ANK2: variants seen among roughly 807,000 people sequenced by gnomAD.
ANK2 encodes ankyrin-2.
ANK2 carries 83 observed loss-of-function variants against 360.5 expected under a neutral mutation model. The observed-to-expected ratio is 0.23, with a 90% CI of 0.19 to 0.28. ANK2 has a LOEUF of 0.28. Among genes scored for constraint, ANK2 ranks in the 10% least tolerant of loss-of-function variants. The pLI is 1.00. For synonymous variants in ANK2, 1,740 were observed against 1,759.5 expected (o/e 0.99, Z 0.28); for missense variants, 4,201 against 4,795.7 (o/e 0.88, Z 3.66).
intron 2 of ANK2, among the ~76,000 whole-genome samples, chr4:112,923,919 C>T (rs777363046): frequency 3.3e-5 from 5 of 152,088 alleles, no homozygotes; most frequent in Non-Finnish European, 7.4e-5. Flanking sequence ...ACACTTTAGT[C>T]GCACCTCTGC....
intron 1 of ANK2, among the ~76,000 whole-genome samples, chr4:113,153,604 A>G (rs1423253906): frequency 6.6e-6 from 1 of 152,214 alleles, no homozygotes; most frequent in Non-Finnish European, 1.5e-5. Flanking sequence ...TCAGCTTTTT[A>G]TGCATTCTTA....
intron 14 of ANK2, among the ~76,000 whole-genome samples, chr4:113,268,871 C>G (rs2057329894): frequency 6.6e-6 from 1 of 152,114 alleles, no homozygotes; most frequent in African/African-American, 2.4e-5. Flanking sequence ...GTGAATCCGT[C>G]TGGTCCTGGG....
chr4:112,710,499 C>T, the ANK2 span, among the ~76,000 whole-genome samples: 15 of 152,076 alleles, frequency 9.9e-5, no homozygotes, highest in East Asian at 7.7e-4. Flanking sequence ...AGTTCAAGAC[C>T]GGCCTGGCCA....
At chr4:113,190,478 GTT>G (rs61608551) in intron 2 of ANK2, among the ~76,000 whole-genome samples, 11 of 146,218 alleles carry the variant, frequency 7.5e-5, no homozygotes, top group African/African-American at 2.2e-4. Flanking sequence ...TCATTTTAAT[GTT>G]TTTTTTTTTC....
In ANK2 at chr4:113,357,222, A is replaced by G. The variant is rs768776696; in HGVS notation, c.8604A>G (p.Thr2868=). The part of the protein sequence containing the change: ...GKELDEDISA[T]SSIQKTEVTK... ...AATTAGATGAAGACATATCTGCCAC[A>G]TCTTCTATTCAAAAAACAGAGGTCA... Residue 2868 remains threonine, a synonymous_variant, in exon 38 of 46, where the codon ACA becomes ACG. Transcript: ENST00000357077. 5.6e-6 allele frequency: 9 copies of G among 1,613,984 alleles called. No homozygotes were observed. Among genetic ancestry groups the G allele is most frequent in the Non-Finnish European group, 6.8e-6 (8 of 1,179,996 alleles).
At chr4:113,350,163 C>T (rs1014957165) in intron 36 of ANK2, 65 bp from the exon 37 acceptor site, 25 of 1,465,832 alleles carry the variant, frequency 1.7e-5, no homozygotes, top group African/African-American at 2.8e-5. Flanking sequence ...GCTTTTTGTG[C>T]ACACCAGGGG....
chr4:112,794,279 G>T, the ANK2 span, among the ~76,000 whole-genome samples: 1 of 152,164 alleles, frequency 6.6e-6, no homozygotes, highest in African/African-American at 2.4e-5. Flanking sequence ...TTGTTGATGT[G>T]TATTAAGATT....
chr4:112,876,135 C>A (rs1429568016), intron 1 of ANK2, among the ~76,000 whole-genome samples: 7 of 151,778 alleles, frequency 4.6e-5, no homozygotes, highest in Non-Finnish European at 1.0e-4. Flanking sequence ...TATAATCAAT[C>A]CGTTTTCAAT....
chr4:113,227,058 G>A (rs2099232432), intron 4 of ANK2, among the ~76,000 whole-genome samples: 2 of 152,208 alleles, frequency 1.3e-5, no homozygotes, highest in Non-Finnish European at 2.9e-5. Flanking sequence ...CTATTAATAT[G>A]TGATGATAAA....
intron 26 of ANK2, among the ~76,000 whole-genome samples, chr4:113,329,359 T>A (rs1046054954): frequency 2.0e-5 from 3 of 152,206 alleles, no homozygotes; most frequent in Non-Finnish European, 2.9e-5. Flanking sequence ...CAAGTCATCT[T>A]GGATTATAGT....
At chr4:112,750,584 T>C in the ANK2 span, among the ~76,000 whole-genome samples, 1 of 152,052 alleles carries the variant, frequency 6.6e-6, no homozygotes, top group Non-Finnish European at 1.5e-5. Context: ...TTGTATCTTG[T>C]GCAAGAAAGA....
chr4:113,351,551 T>C (rs1025369402), intron 37 of ANK2, among the ~76,000 whole-genome samples: 6 of 152,164 alleles, frequency 3.9e-5, no homozygotes, highest in African/African-American at 1.4e-4. Flanking sequence ...TTTGTTTATA[T>C]GACATATCAC....
intron 26 of ANK2, among the ~76,000 whole-genome samples, chr4:113,322,411 C>T (rs2086789734): frequency 6.6e-6 from 1 of 152,206 alleles, no homozygotes; most frequent in African/African-American, 2.4e-5. Context: ...ACAGTTATTT[C>T]TAGCATCCTA....
chr4:113,177,475 C>G (rs1187568774), intron 2 of ANK2, among the ~76,000 whole-genome samples: 1 of 152,080 alleles, frequency 6.6e-6, no homozygotes, highest in Non-Finnish European at 1.5e-5. Flanking sequence ...GACAATGAAA[C>G]CGTTAGTTCA....
chr4:112,867,578 T>C (rs917231028), intron 1 of ANK2, among the ~76,000 whole-genome samples: 2 of 152,060 alleles, frequency 1.3e-5, no homozygotes, highest in Non-Finnish European at 2.9e-5. Context: ...CCCTCATCCC[T>C]GGCAATCATT....
chr4:113,282,982 G>C lies in ANK2; in HGVS notation c.2079+110G>C, dbSNP rs2062980596. ...GAGCAATGTATTAAAAAGAAACAGGGATATCTTACAGACCCCAAGGACAGG... is the reference window on the plus strand; with the variant it reads ...GAGCAATGTATTAAAAAGAAACAGGCATATCTTACAGACCCCAAGGACAGG... On this transcript the variant is annotated intron_variant, in intron 18 of 45. Transcript: ENST00000357077. 4 of 1,236,116 alleles carry C rather than the reference G, an allele frequency of 3.2e-6. 1 individual carries two copies. In the South Asian group the frequency reaches 3.8e-5, roughly 12 times the overall value. 76.6% of individuals were successfully genotyped at this position (1,236,116 alleles called of 1,614,324 possible).
the ANK2 span, among the ~76,000 whole-genome samples, chr4:112,713,293 G>T: frequency 6.6e-6 from 1 of 152,042 alleles, no homozygotes; most frequent in Non-Finnish European, 1.5e-5. Context: ...CCAGGTTGGG[G>T]CAGTGATGAA....
intron 2 of ANK2, among the ~76,000 whole-genome samples, chr4:113,184,464 T>A (rs1168353114): frequency 6.6e-6 from 1 of 151,942 alleles, no homozygotes; most frequent in Non-Finnish European, 1.5e-5. Context: ...CCATCTTGAT[T>A]TTTGCTGTTG....
At chr4:112,842,285 C>G (rs1321142495) in intron 1 of ANK2, among the ~76,000 whole-genome samples, 1 of 152,246 alleles carries the variant, frequency 6.6e-6, no homozygotes, top group African/African-American at 2.4e-5. Context: ...GCTGGGATTA[C>G]AGGCGTGAGC....
Sources: allele counts gnomAD v4.1 joint callset (sites outside exome capture counted in the v4.1 genomes callset), GRCh38; gene constraint gnomAD v4.1.1; transcripts MANE v1.5; gene names NCBI Gene and HGNC (gene_info 2026-07-23, HGNC 2026-07-21).